TRDN: variants seen among roughly 807,000 people sequenced by gnomAD.
TRDN encodes the protein triadin in skeletal muscle.
Under a neutral mutation model 149.7 loss-of-function variants are expected in TRDN, and 161 were observed. The observed-to-expected ratio is 1.08, with a 90% CI of 0.95 to 1.23. The LOEUF is 1.23. Ranked by LOEUF, TRDN falls within the 50% of genes most tolerant of loss-of-function variation. The pLI is 0.00. For missense variants in TRDN, 896 were observed against 823.5 expected (o/e 1.09, Z -1.08); for synonymous variants, 294 against 250.5 (o/e 1.17, Z -1.64).
At chr6:123,474,296 G>T (rs1231859592) in intron 9 of TRDN, among the ~76,000 whole-genome samples, 1 of 152,102 alleles carries the variant, frequency 6.6e-6, no homozygotes, top group Non-Finnish European at 1.5e-5. Context: ...TGCAATCCTA[G>T]TCTCTGATAA....
At chr6:123,293,165 C>A (rs1778072655) in intron 24 of TRDN, among the ~76,000 whole-genome samples, 1 of 152,122 alleles carries the variant, frequency 6.6e-6, no homozygotes, top group African/African-American at 2.4e-5. Flanking sequence ...CTTGGAAAAT[C>A]ACTCACTACA....
At position 123,279,694 on chromosome 6, in the gene TRDN, T is replaced by G. The variant is rs189867985; in HGVS notation, c.1511-612A>C. 3.7e-3 allele frequency among the ~76,000 whole-genome samples: 568 copies of G among 152,238 alleles called. 1 individual carries two copies. Among genetic ancestry groups the G allele is most frequent in the Middle Eastern group, 0.01 (3 of 294 alleles). ...CCACCATTCTATGGATTAGTCTCTCTGGTCACCAATTTCCCATTACTTTCC... is the reference window on the plus strand; with the variant it reads ...CCACCATTCTATGGATTAGTCTCTCGGGTCACCAATTTCCCATTACTTTCC... On this transcript the variant is annotated intron_variant, in intron 24 of 40. Coordinates refer to ENST00000334268, the MANE Select transcript of TRDN (RefSeq NM_006073.4).
chr6:123,414,428 A>G (rs1191491407), intron 12 of TRDN, among the ~76,000 whole-genome samples: 1 of 152,138 alleles, frequency 6.6e-6, no homozygotes, highest in African/African-American at 2.4e-5. Context: ...GAGGCTGTCC[A>G]TGGAATATAT....
At chr6:123,248,518 C>T (rs1410704950) in intron 38 of TRDN, among the ~76,000 whole-genome samples, 7 of 152,188 alleles carry the variant, frequency 4.6e-5, no homozygotes, top group African/African-American at 1.7e-4. Flanking sequence ...GATCACGCCA[C>T]TGCACTCCAG....
At chr6:123,446,501 C>G (rs1367262544) in intron 10 of TRDN, among the ~76,000 whole-genome samples, 1 of 144,946 alleles carries the variant, frequency 6.9e-6, no homozygotes, top group African/African-American at 2.5e-5. Context: ...AGAAGAACGG[C>G]GTGAACCCAG....
intron 1 of TRDN, among the ~76,000 whole-genome samples, chr6:123,590,727 T>C (rs1783737658): frequency 6.6e-6 from 1 of 152,144 alleles, no homozygotes; most frequent in South Asian, 2.1e-4. Flanking sequence ...GTGCCCATTC[T>C]ACTCCAGCCT....
At chr6:123,619,043 AAAC>A (rs1290669479) in intron 1 of TRDN, among the ~76,000 whole-genome samples, 1 of 152,224 alleles carries the variant, frequency 6.6e-6, no homozygotes, top group Non-Finnish European at 1.5e-5. Context: ...AATTTGGCTG[AAAC>A]AACTGTACAC....
chr6:123,304,246 T>G (rs1221696774), intron 24 of TRDN, among the ~76,000 whole-genome samples: 1 of 120,350 alleles, frequency 8.3e-6, no homozygotes, highest in African/African-American at 3.0e-5. Context: ...AATTTTCTTT[T>G]ATTTTCTTTT....
intron 10 of TRDN, among the ~76,000 whole-genome samples, chr6:123,447,870 C>A (rs1775488102): frequency 6.6e-6 from 1 of 152,016 alleles, no homozygotes; most frequent in Admixed American, 6.6e-5. Context: ...CTGAAGGAAG[C>A]AGACTGCTTC....
At chr6:123,346,435 T>A (rs1780248603) in intron 21 of TRDN, among the ~76,000 whole-genome samples, 1 of 151,972 alleles carries the variant, frequency 6.6e-6, no homozygotes, top group Non-Finnish European at 1.5e-5. Flanking sequence ...TTTATTAAAT[T>A]TTTAAAAAAT....
At chr6:123,608,239 T>C (rs1304307700) in intron 1 of TRDN, among the ~76,000 whole-genome samples, 1 of 152,194 alleles carries the variant, frequency 6.6e-6, no homozygotes, top group East Asian at 1.9e-4. Flanking sequence ...CTCTGTACTT[T>C]AAGTTCCTTA....
intron 24 of TRDN, among the ~76,000 whole-genome samples, chr6:123,289,413 G>A (rs1393923603): frequency 4.6e-5 from 7 of 151,952 alleles, no homozygotes; most frequent in African/African-American, 1.5e-4. Context: ...GTAATCTATT[G>A]TTCTCATGGC....
intron 24 of TRDN, among the ~76,000 whole-genome samples, chr6:123,311,872 A>C (rs894795857): frequency 1.6e-4 from 25 of 151,998 alleles, no homozygotes; most frequent in Non-Finnish European, 3.1e-4. Context: ...AATCAAAAAA[A>C]TCATGAAATA....
rs983737052 is a variant in TRDN, at chr6:123,374,520, T to C, written c.1273+1085A>G. ...TATAAATGGAATTTTAGATTCATGT[T>C]AAACCTCTCTTGTAAAGTTCTCAAT... On this transcript the variant is annotated intron_variant, in intron 19 of 40. Transcript: ENST00000334268. Among the ~76,000 whole-genome samples the C allele has an allele frequency of 2.6e-5, 4 of 152,286 alleles. No individual in the cohort carries two copies. In the East Asian group the frequency reaches 7.7e-4, roughly 29 times the overall value.
intron 10 of TRDN, among the ~76,000 whole-genome samples, chr6:123,463,543 T>C (rs1776605701): frequency 6.6e-6 from 1 of 151,830 alleles, no homozygotes; most frequent in South Asian, 2.1e-4. Flanking sequence ...TATCAAAGTC[T>C]CCCTCAAGTT....
intron 12 of TRDN, among the ~76,000 whole-genome samples, chr6:123,422,960 T>C (rs1773972282): frequency 6.6e-6 from 1 of 152,100 alleles, no homozygotes; most frequent in Non-Finnish European, 1.5e-5. Flanking sequence ...CAGGAATAAA[T>C]TATGGATTAC....
At chr6:123,350,842 AATAAG>A in intron 21 of TRDN, 1 of 983,922 alleles carries the variant, frequency 1.0e-6, no homozygotes, top group Non-Finnish European at 1.2e-6. Flanking sequence ...CCTAAGCTTT[AATAAG>A]ATAAAAGAAG....
intron 14 of TRDN, 52 bp downstream of exon 14, chr6:123,388,470 A>T (rs2114443364): frequency 6.4e-7 from 1 of 1,561,134 alleles, no homozygotes; most frequent in East Asian, 2.3e-5. Flanking sequence ...AACTCAGGAT[A>T]TTGGTAAATT....
chr6:123,371,429 C>T (rs1278715123), intron 19 of TRDN, among the ~76,000 whole-genome samples: 5 of 152,110 alleles, frequency 3.3e-5, no homozygotes, highest in Non-Finnish European at 5.9e-5. Flanking sequence ...TACACCAATA[C>T]CATTCTACCC....
Sources: gnomAD v4.1 joint callset for allele counts (sites outside exome capture counted in the v4.1 genomes callset) on GRCh38, gnomAD v4.1.1 for gene constraint, MANE v1.5 for transcripts, NCBI Gene and HGNC (gene_info 2026-07-23, HGNC 2026-07-21) for gene names.